The following KAT14 variants were observed in gnomAD, a reference collection of about 807,000 sequenced individuals.
The protein encoded by KAT14 is cysteine-rich protein 2-binding protein.
Under a neutral mutation model 78.4 loss-of-function variants are expected in KAT14, and 66 were observed. That is an observed-to-expected ratio of 0.84 (90% confidence interval 0.69 to 1.03). The LOEUF is 1.03. Ranked by LOEUF, KAT14 falls within the 50% of genes least tolerant of loss-of-function variation. The pLI, the probability that KAT14 is intolerant of heterozygous loss-of-function variation, is 0.00. For synonymous variants in KAT14, 344 were observed against 359.4 expected (o/e 0.96, Z 0.48); for missense variants, 870 against 972.5 (o/e 0.89, Z 1.40).
Position 18,187,712 on chromosome 20 carries a change from TGTC to T in KAT14, c.*256_*258del, listed in dbSNP as rs1373706742. ...AGACTCCACAGTTATTTATGAATGA[TGTC>T]GTGATTCTCCCTCCACCTGACAGTT... On this transcript the variant is annotated 3_prime_UTR_variant, in exon 11 of 11. Coordinates refer to ENST00000688188, the MANE Select transcript of KAT14 (RefSeq NM_001392073.1). 6.4e-6 allele frequency: 3 copies of T among 469,292 alleles called. No individual in the cohort carries two copies. Among genetic ancestry groups the T allele is most frequent in the African/African-American group, 2.0e-5 (1 of 49,038 alleles). The allele number at this position is 469,292 out of a possible 1,614,324, so 29.1% of individuals were successfully genotyped here.
intron 7 of KAT14, among the ~76,000 whole-genome samples, chr20:18,178,375 T>A (rs750868077): frequency 6.6e-5 from 10 of 152,040 alleles, no homozygotes; most frequent in Admixed American, 2.6e-4. Context: ...TTGTCAAATT[T>A]ATTCACTGGA....
In KAT14 at chr20:18,184,796, A is replaced by G. The variant is rs764704552; in HGVS notation, c.2172+4A>G. The G allele has an allele frequency of 3.7e-6, 6 of 1,600,522 alleles. No homozygotes were observed. The East Asian group carries it at 6.8e-5, about 18-fold the overall frequency. On this transcript the variant is annotated splice_donor_region_variant and intron_variant, in intron 10 of 10. Coordinates refer to ENST00000688188, the MANE Select transcript of KAT14 (RefSeq NM_001392073.1). ...CATGATCTATCATCTGATTCAGGTA[A>G]GTTGTCTATGTTTATGATTTATCAC...
intron 3 of KAT14, among the ~76,000 whole-genome samples, chr20:18,149,131 A>G (rs1162036111): frequency 6.6e-6 from 1 of 152,182 alleles, no homozygotes; most frequent in Non-Finnish European, 1.5e-5. Flanking sequence ...TTTCTGAGAT[A>G]CTCTTCTGAG....
At chr20:18,163,898 G>C (rs978579357) in intron 7 of KAT14, among the ~76,000 whole-genome samples, 3 of 152,090 alleles carry the variant, frequency 2.0e-5, no homozygotes, top group Non-Finnish European at 4.4e-5. Context: ...ATTGGACCCT[G>C]TAGATTAAAA....
Position 18,137,895 on chromosome 20 carries a change from C to T in KAT14, c.-610C>T. ...GGCAGTACAGGCGGCGGTGCGCACT[C>T]TGCGGCGGCCTCTGCGCCTCGGGCG... On this transcript the variant is annotated 5_prime_UTR_variant, in exon 1 of 11. Coordinates refer to ENST00000688188, the MANE Select transcript of KAT14 (RefSeq NM_001392073.1). 2.1e-6 allele frequency: 3 copies of T among 1,432,954 alleles called. No homozygotes were observed. Among genetic ancestry groups the T allele is most frequent in the South Asian group, 2.8e-5 (2 of 72,460 alleles). 88.8% of individuals were successfully genotyped at this position (1,432,954 alleles called of 1,614,324 possible).
In KAT14 at chr20:18,181,864, G is replaced by A; in HGVS notation, c.1805+18G>A. The A allele has an allele frequency of 1.9e-6, 3 of 1,613,210 alleles. No individual in the cohort carries two copies. The highest frequency in any genetic ancestry group is 2.2e-5 in the East Asian group (1 of 44,864). The stretch of plus-strand genomic sequence containing the variant: ...TATATCAGGTATATGGAGAACTAGA[G>A]GTGTGATGTCAGGTGTGTCATGAGG... On this transcript the variant is annotated intron_variant, in intron 8 of 10. Coordinates refer to ENST00000688188, the MANE Select transcript of KAT14 (RefSeq NM_001392073.1).
At position 18,150,869 on chromosome 20, in the gene KAT14, C is replaced by G; in HGVS notation, c.427C>G (p.Gln143Glu). 6.2e-7 allele frequency: 1 copy of G among 1,614,066 alleles called. No individual in the cohort carries two copies. Among genetic ancestry groups the G allele is most frequent in the Non-Finnish European group, 8.5e-7 (1 of 1,180,012 alleles). ...CTTGTCTCTGGAAGGAAGTGGACGTCAAGGTTATTTCAGGTGGAAAGAAGA... is the reference window on the plus strand; with the variant it reads ...CTTGTCTCTGGAAGGAAGTGGACGTGAAGGTTATTTCAGGTGGAAAGAAGA... ...YNLSLEGSGRQGYFRWKEDIC... is the reference protein window; with the variant it reads ...YNLSLEGSGREGYFRWKEDIC... The change falls in exon 4 of 11, where the codon CAA (glutamine) becomes GAA (glutamate). Residue 143 changes from glutamine (Q) to glutamate (E), a missense_variant. Gln to Glu is a conservative substitution (Grantham distance 29). Transcript: ENST00000688188.
chr20:18,155,708 T>C (rs753272764), intron 4 of KAT14, among the ~76,000 whole-genome samples: 3 of 152,212 alleles, frequency 2.0e-5, no homozygotes, highest in African/African-American at 7.2e-5. Flanking sequence ...TCATGCCTCT[T>C]AGGATGACAA....
chr20:18,175,573 C>G (rs973775091), intron 7 of KAT14, among the ~76,000 whole-genome samples: 5 of 152,076 alleles, frequency 3.3e-5, no homozygotes, highest in Non-Finnish European at 4.4e-5. Flanking sequence ...CTCAGATGGG[C>G]TTGGAAAGGG....
intron 4 of KAT14, among the ~76,000 whole-genome samples, chr20:18,153,499 G>A (rs545954279): frequency 2.0e-5 from 3 of 152,276 alleles, no homozygotes; most frequent in African/African-American, 7.2e-5. Flanking sequence ...CATGATCTTC[G>A]AGTGCTGTCC....
At position 18,146,647 on chromosome 20, in the gene KAT14, G is replaced by A. The variant is rs370189972; in HGVS notation, c.378+1296G>A. Reference sequence around the variant, plus strand: ...GCACTACAGCCTAGGCAACAAGAGTGAAAGTCCATCTCAAAAAAAACCAAA... The same window carrying A: ...GCACTACAGCCTAGGCAACAAGAGTAAAAGTCCATCTCAAAAAAAACCAAA... On this transcript the variant is annotated intron_variant, in intron 3 of 10. Coordinates refer to ENST00000688188, the MANE Select transcript of KAT14 (RefSeq NM_001392073.1). 8.5e-5 allele frequency among the ~76,000 whole-genome samples: 13 copies of A among 152,098 alleles called. No homozygotes were observed. The East Asian group carries it at 2.5e-3, about 29-fold the overall frequency.
chr20:18,149,506 T>G (rs1157731980), intron 3 of KAT14, among the ~76,000 whole-genome samples: 1 of 152,184 alleles, frequency 6.6e-6, no homozygotes, highest in Non-Finnish European at 1.5e-5. Context: ...AGTTTAAGAA[T>G]GGGGGAAATT....
In KAT14 at chr20:18,187,587, C is replaced by T. The variant is rs1600245509; in HGVS notation, c.*128C>T. On this transcript the variant is annotated 3_prime_UTR_variant, in exon 11 of 11. Transcript: ENST00000688188. ...ATTACATGGTCCTTCAAACTCCCAA[C>T]CAAAGTGAGAAAAGCGGCATGCAGT... 9 of 1,459,394 alleles carry T rather than the reference C, an allele frequency of 6.2e-6. No individual in the cohort carries two copies. In the East Asian group the frequency reaches 2.3e-4, roughly 37 times the overall value. The allele number at this position is 1,459,394 out of a possible 1,614,324, so 90.4% of individuals were successfully genotyped here.
At chr20:18,160,189 C>T (rs930171155) in intron 5 of KAT14, among the ~76,000 whole-genome samples, 7 of 152,198 alleles carry the variant, frequency 4.6e-5, no homozygotes, top group East Asian at 3.9e-4. Context: ...GGTGAGCCAC[C>T]GGATCAGGCT....
rs758432385 is a variant in KAT14, at chr20:18,162,731, C to T, written c.1454C>T (p.Pro485Leu). 21 of 1,614,066 alleles carry T rather than the reference C, an allele frequency of 1.3e-5. No homozygotes were observed. Among genetic ancestry groups the T allele is most frequent in the African/African-American group, 4.0e-5 (3 of 74,916 alleles). The part of the protein sequence containing the change: ...EACPGAVAMT[P>L]EARRLKRKLI... ...TGTCCCGGTGCTGTTGCCATGACTC[C>T]GGAAGCTCGGAGACTGAAACGCAAA... Residue 485 changes from proline to leucine, a missense_variant, in exon 7 of 11, where the codon CCG becomes CTG. Pro to Leu is a moderately conservative substitution (Grantham distance 98). Coordinates refer to ENST00000688188, the MANE Select transcript of KAT14 (RefSeq NM_001392073.1).
At chr20:18,137,279 A>C (rs890621975), upstream of KAT14, among the ~76,000 whole-genome samples, 4 of 145,594 alleles carry the variant, frequency 2.7e-5, no homozygotes, top group Non-Finnish European at 6.0e-5. Flanking sequence ...ATAGACAGAG[A>C]CTCTGTATCA....
chr20:18,154,373 C>T (rs764875970), intron 4 of KAT14, among the ~76,000 whole-genome samples: 20 of 152,116 alleles, frequency 1.3e-4, no homozygotes, highest in East Asian at 1.9e-4. Flanking sequence ...AGTGCAGCGG[C>T]GTGATCTCGG....
chr20:18,150,067 T>C (rs961938387), intron 3 of KAT14, among the ~76,000 whole-genome samples: 4 of 152,228 alleles, frequency 2.6e-5, no homozygotes, highest in Non-Finnish European at 5.9e-5. Flanking sequence ...CAAGTGATTT[T>C]TACTTCCTTC....
At chr20:18,137,667 G>A (rs2037344014), upstream of KAT14, among the ~76,000 whole-genome samples, 1 of 152,234 alleles carries the variant, frequency 6.6e-6, no homozygotes, top group Admixed American at 6.5e-5. Context: ...AGGTGCCGGG[G>A]CCAGTTTGGG....
Sources: gnomAD v4.1 joint callset for allele counts (sites outside exome capture counted in the v4.1 genomes callset) on GRCh38, gnomAD v4.1.1 for gene constraint, MANE v1.5 for transcripts, NCBI Gene and HGNC (gene_info 2026-07-23, HGNC 2026-07-21) for gene names.